Variants in RIT2 observed in about 807,000 individuals in gnomAD.
RIT2 encodes Ras like without CAAX 2.
A neutral mutation model predicts 23.7 loss-of-function variants in RIT2; 24 were observed. The observed-to-expected ratio is 1.01, with a 90% CI of 0.73 to 1.43. The LOEUF is 1.43. Among genes scored for constraint, RIT2 ranks in the 40% most tolerant of loss-of-function variants. The probability of loss-of-function intolerance (pLI) is 0.00; values close to 1 mark genes in which losing one functional copy is unlikely to be tolerated. For synonymous variants in RIT2, 107 were observed against 91.1 expected, an observed-to-expected ratio of 1.17 and a Z score of -0.99; for missense variants, 236 against 266.9, an observed-to-expected ratio of 0.88 and a Z score of 0.81.
chr18:42,887,775 G>GGTGAATAAACA (rs1454003104), intron 4 of RIT2, among the ~76,000 whole-genome samples: 2 of 152,092 alleles, frequency 1.3e-5, no homozygotes, highest in Non-Finnish European at 2.9e-5. Context: ...CCTCACAGTA[G>GGTGAATAAACA]GTGAATAAAC....
At chr18:42,793,051 C>A (rs1914077946) in intron 4 of RIT2, among the ~76,000 whole-genome samples, 1 of 141,210 alleles carries the variant, frequency 7.1e-6, no homozygotes, top group Non-Finnish European at 1.5e-5. Context: ...CACTGTTAAC[C>A]TAGAGCCCTC....
At chr18:42,849,280 T>C (rs1426003147) in intron 4 of RIT2, among the ~76,000 whole-genome samples, 1 of 152,188 alleles carries the variant, frequency 6.6e-6, no homozygotes, top group Non-Finnish European at 1.5e-5. Flanking sequence ...ACAATCTCTA[T>C]TATATACCAC....
intron 1 of RIT2, among the ~76,000 whole-genome samples, chr18:43,048,676 G>A (rs926497798): frequency 6.6e-6 from 1 of 152,154 alleles, no homozygotes; most frequent in African/African-American, 2.4e-5. Context: ...TATTTGGAAT[G>A]ACTCAAATGA....
intron 1 of RIT2, among the ~76,000 whole-genome samples, chr18:43,042,910 C>G (rs1339431330): frequency 6.6e-6 from 1 of 151,998 alleles, no homozygotes. Context: ...GGATAAAATT[C>G]TATGACAATT....
chr18:42,951,513 CA>C (rs1419815928), intron 3 of RIT2, among the ~76,000 whole-genome samples: 1 of 151,822 alleles, frequency 6.6e-6, no homozygotes, highest in Non-Finnish European at 1.5e-5. Context: ...ATTCATACTC[CA>C]AACCTCAGCA....
At chr18:42,951,482 C>G (rs1333805285) in intron 3 of RIT2, among the ~76,000 whole-genome samples, 2 of 151,936 alleles carry the variant, frequency 1.3e-5, no homozygotes, top group East Asian at 1.9e-4. Context: ...ATGCTATTCT[C>G]TGTACCTGGG....
chr18:43,096,692 A>G (rs1913562005), intron 1 of RIT2, among the ~76,000 whole-genome samples: 1 of 151,884 alleles, frequency 6.6e-6, no homozygotes, highest in African/African-American at 2.4e-5. Flanking sequence ...AACTATAATT[A>G]CCCACTAAGT....
intron 1 of RIT2, among the ~76,000 whole-genome samples, chr18:43,112,752 T>TA (rs1355203816): frequency 6.6e-6 from 1 of 151,600 alleles, no homozygotes; most frequent in African/African-American, 2.4e-5. Context: ...AAAAGAAAAA[T>TA]AAAAAAGAAT....
At chr18:42,796,553 A>C (rs752896430) in intron 4 of RIT2, among the ~76,000 whole-genome samples, 12 of 152,190 alleles carry the variant, frequency 7.9e-5, no homozygotes, top group Non-Finnish European at 1.3e-4. Flanking sequence ...TGAGATGGAC[A>C]GACTAATACA....
At chr18:42,818,248 T>C (rs1598666584) in intron 4 of RIT2, among the ~76,000 whole-genome samples, 1 of 152,084 alleles carries the variant, frequency 6.6e-6, no homozygotes, top group African/African-American at 2.4e-5. Context: ...AGTTAAAATA[T>C]TGATGCCTAG....
intron 2 of RIT2, among the ~76,000 whole-genome samples, chr18:43,018,185 G>A (rs891600062): frequency 7.2e-5 from 11 of 151,964 alleles, no homozygotes; most frequent in Non-Finnish European, 1.3e-4. Context: ...CCCCTAACGC[G>A]AAGAGTGATC....
chr18:42,994,374 C>T (rs772840222), intron 2 of RIT2, among the ~76,000 whole-genome samples: 5 of 152,272 alleles, frequency 3.3e-5, no homozygotes, highest in South Asian at 4.1e-4. Context: ...ATCTCTCAAA[C>T]GTCAACCCCT....
chr18:42,750,745 A>G (rs1442407701), intron 4 of RIT2, among the ~76,000 whole-genome samples: 3 of 151,856 alleles, frequency 2.0e-5, no homozygotes, highest in Admixed American at 1.3e-4. Context: ...GTAGACTTGT[A>G]TTAGTTTTTG....
intron 4 of RIT2, among the ~76,000 whole-genome samples, chr18:42,905,272 A>G (rs1451801243): frequency 6.6e-6 from 1 of 152,180 alleles, no homozygotes; most frequent in Non-Finnish European, 1.5e-5. Flanking sequence ...TTAGATTTGT[A>G]TATGTTAACA....
chr18:42,946,495 T>C (rs1447851430), intron 3 of RIT2, among the ~76,000 whole-genome samples: 1 of 152,054 alleles, frequency 6.6e-6, no homozygotes, highest in Non-Finnish European at 1.5e-5. Context: ...TACAGGTATA[T>C]TTTTAAAATA....
intron 4 of RIT2, among the ~76,000 whole-genome samples, chr18:42,777,656 C>T (rs922538385): frequency 1.3e-5 from 2 of 152,052 alleles, no homozygotes; most frequent in Admixed American, 1.3e-4. Flanking sequence ...CCAGGTCACC[C>T]CTCACTTCAG....
intron 3 of RIT2, among the ~76,000 whole-genome samples, chr18:42,971,126 A>G (rs1341845484): frequency 1.3e-5 from 2 of 152,066 alleles, no homozygotes; most frequent in African/African-American, 2.4e-5. Context: ...TTGTAAGGAT[A>G]GTAAACTTCA....
At chr18:43,003,154 C>T (rs1911146922) in intron 2 of RIT2, among the ~76,000 whole-genome samples, 1 of 151,866 alleles carries the variant, frequency 6.6e-6, no homozygotes, top group Non-Finnish European at 1.5e-5. Flanking sequence ...ACTCTGACCT[C>T]CAGAACTGTA....
intron 2 of RIT2, among the ~76,000 whole-genome samples, chr18:42,998,902 TGTAA>T (rs1911045168): frequency 6.6e-6 from 1 of 152,106 alleles, no homozygotes; most frequent in Non-Finnish European, 1.5e-5. Context: ...TAGCATAGAC[TGTAA>T]GTGTCAGATG....
Sources: allele counts gnomAD v4.1 joint callset (sites outside exome capture counted in the v4.1 genomes callset), GRCh38; gene constraint gnomAD v4.1.1; transcripts MANE v1.5; gene names NCBI Gene and HGNC (gene_info 2026-07-23, HGNC 2026-07-21).